The following WWOX variants were observed in gnomAD, a reference collection of about 807,000 sequenced individuals.
The protein encoded by WWOX is WW domain-containing oxidoreductase.
Under a neutral mutation model 46.2 loss-of-function variants are expected in WWOX, and 69 were observed. That is an observed-to-expected ratio of 1.49 (90% CI 1.23 to 1.82). The LOEUF is 1.82. Among genes scored for constraint, WWOX ranks in the 40% most tolerant of loss-of-function variants. The pLI, the probability that WWOX is intolerant of heterozygous loss-of-function variation, is 0.00. For missense variants in WWOX, 919 were observed against 542.6 expected (o/e 1.69, Z -6.89); for synonymous variants, 359 against 202.6 (o/e 1.77, Z -6.56).
intron 8 of WWOX, chr16:78,525,791 C>T (rs556410724): frequency 6.6e-6 from 1 of 150,728 alleles, no homozygotes; most frequent in South Asian, 2.1e-4. Flanking sequence ...GACTCTGACC[C>T]AGGTTGTCAT....
At chr16:78,159,841 G>A (rs536853282) in intron 4 of WWOX, among the ~76,000 whole-genome samples, 3 of 151,714 alleles carry the variant, frequency 2.0e-5, no homozygotes, top group South Asian at 2.1e-4. Flanking sequence ...TTAGTTTTAC[G>A]TAACCTCACT....
chr16:78,458,791 G>A (rs561508604), intron 8 of WWOX, among the ~76,000 whole-genome samples: 9 of 151,990 alleles, frequency 5.9e-5, no homozygotes, highest in East Asian at 1.9e-4. Context: ...AATAGGTGGC[G>A]CCACTTTTTA....
chr16:78,385,954 G>T (rs1003227101), intron 5 of WWOX, among the ~76,000 whole-genome samples: 2 of 152,198 alleles, frequency 1.3e-5, no homozygotes, highest in Admixed American at 6.5e-5. Flanking sequence ...AGGCTAGTGG[G>T]AGGGGCAACC....
intron 8 of WWOX, among the ~76,000 whole-genome samples, chr16:78,768,632 A>G (rs2142511255): frequency 6.6e-6 from 1 of 151,556 alleles, no homozygotes; most frequent in Non-Finnish European, 1.5e-5. Context: ...CCTAATTTCT[A>G]AATAGATTTC....
intron 8 of WWOX, among the ~76,000 whole-genome samples, chr16:79,015,048 T>G (rs1437921091): frequency 6.6e-6 from 1 of 152,188 alleles, no homozygotes; most frequent in Non-Finnish European, 1.5e-5. Context: ...AAAGGGGCCT[T>G]TCTCCTGCTG....
At chr16:78,619,196 T>C (rs867925969) in intron 8 of WWOX, among the ~76,000 whole-genome samples, 4 of 34,624 alleles carry the variant, frequency 1.2e-4, no homozygotes, top group Non-Finnish European at 2.0e-4. Flanking sequence ...TATATATATA[T>C]ATATATATAT....
At chr16:78,710,749 G>C (rs532772921) in intron 8 of WWOX, among the ~76,000 whole-genome samples, 1 of 151,074 alleles carries the variant, frequency 6.6e-6, no homozygotes, top group African/African-American at 2.4e-5. Context: ...TGAGTGGCTG[G>C]GACCGCAGGT....
intron 8 of WWOX, among the ~76,000 whole-genome samples, chr16:79,121,501 C>T (rs9940026): frequency 2.0e-4 from 30 of 152,208 alleles, no homozygotes; most frequent in Middle Eastern, 6.8e-3. Flanking sequence ...GCTCTGTTTA[C>T]GGGGCTGTGG....
intron 8 of WWOX, among the ~76,000 whole-genome samples, chr16:79,067,315 G>C (rs922482757): frequency 6.6e-6 from 1 of 152,172 alleles, no homozygotes; most frequent in Non-Finnish European, 1.5e-5. Flanking sequence ...TGCATGACTT[G>C]AGTCCCTGTT....
At chr16:78,278,797 A>C in intron 5 of WWOX, 1 of 782,656 alleles carries the variant, frequency 1.3e-6, no homozygotes. Context: ...CATCTATTAT[A>C]TGATTTAATT....
intron 8 of WWOX, among the ~76,000 whole-genome samples, chr16:78,576,726 A>G (rs1033622726): frequency 2.6e-5 from 4 of 152,172 alleles, no homozygotes; most frequent in African/African-American, 9.6e-5. Flanking sequence ...CAGCTACTCA[A>G]GAGGCTAAAG....
chr16:79,191,679 T>C lies in WWOX; in HGVS notation c.1057-19929T>C, dbSNP rs144912448. On this transcript the variant is annotated intron_variant, in intron 8 of 8. Transcript: ENST00000566780. ...GTTTTCAAACTAGAGAAGCACCAAA[T>C]AGGCCATGATAAAGAATAAATACCA... 2.8e-3 allele frequency among the ~76,000 whole-genome samples: 429 copies of C among 152,244 alleles called. 1 individual carries two copies. Among genetic ancestry groups the C allele is most frequent in the African/African-American group, 9.7e-3 (403 of 41,546 alleles).
intron 4 of WWOX, chr16:78,118,928 T>C (rs1392659554): frequency 6.6e-6 from 1 of 152,170 alleles, no homozygotes; most frequent in East Asian, 1.9e-4. Flanking sequence ...ACTAACACTC[T>C]TCTCTCCTTG....
intron 8 of WWOX, among the ~76,000 whole-genome samples, chr16:79,019,298 T>G (rs1597285271): frequency 6.7e-6 from 1 of 149,514 alleles, no homozygotes; most frequent in Non-Finnish European, 1.5e-5. Flanking sequence ...CATCATGGAG[T>G]GCACGTACAC....
chr16:78,893,680 A>G (rs992387640), intron 8 of WWOX, among the ~76,000 whole-genome samples: 3 of 151,950 alleles, frequency 2.0e-5, no homozygotes, highest in Non-Finnish European at 4.4e-5. Flanking sequence ...GTTCCCTGGT[A>G]TTTTCCAGGG....
intron 8 of WWOX, chr16:78,495,928 C>G (rs186527469): frequency 2.0e-5 from 3 of 152,268 alleles, no homozygotes; most frequent in East Asian, 3.9e-4. Flanking sequence ...TTAATAAACA[C>G]ATTTATAGTT....
intron 5 of WWOX, among the ~76,000 whole-genome samples, chr16:78,334,811 CACACACACACACACACACACATACA>C (rs2080843868): frequency 1.3e-5 from 1 of 78,968 alleles, no homozygotes; most frequent in Non-Finnish European, 3.1e-5. Context: ...CACACACGCA[CACACACACACACACACACACATACA>C]CACACACACA....
chr16:78,820,418 A>G (rs2051462272), intron 8 of WWOX, among the ~76,000 whole-genome samples: 1 of 152,178 alleles, frequency 6.6e-6, no homozygotes, highest in Non-Finnish European at 1.5e-5. Flanking sequence ...ACATCTCAGT[A>G]TTCCTAATTC....
intron 8 of WWOX, among the ~76,000 whole-genome samples, chr16:78,742,955 T>C (rs1331951986): frequency 6.6e-6 from 1 of 151,786 alleles, no homozygotes; most frequent in Non-Finnish European, 1.5e-5. Context: ...TGTGGAAGAG[T>C]AAGAGGGGCC....
Sources: gnomAD v4.1 joint callset for allele counts (sites outside exome capture counted in the v4.1 genomes callset) on GRCh38, gnomAD v4.1.1 for gene constraint, MANE v1.5 for transcripts, NCBI Gene and HGNC (gene_info 2026-07-23, HGNC 2026-07-21) for gene names.